ARID4B: variants seen among roughly 807,000 people sequenced by gnomAD.
The protein encoded by ARID4B is AT-rich interaction domain 4B.
In ARID4B, 26 loss-of-function variants were observed where a neutral mutation model predicts 147.5. The observed-to-expected ratio is 0.18, with a 90% CI of 0.13 to 0.24. ARID4B has a LOEUF of 0.24. Ranked by LOEUF, ARID4B falls within the 10% of genes least tolerant of loss-of-function variation. The pLI is 1.00. For synonymous variants in ARID4B, 512 were observed against 507.9 expected (o/e 1.01, Z -0.11); for missense variants, 1,179 against 1,511.5 (o/e 0.78, Z 3.65).
chr1:235,207,050 T>C (rs1486016667), intron 17 of ARID4B, among the ~76,000 whole-genome samples: 16 of 152,200 alleles, frequency 1.1e-4, no homozygotes, highest in Admixed American at 9.2e-4. Context: ...CTTCAGACAG[T>C]AGCATGACTG....
chr1:235,272,145 G>A (rs1671033663), intron 2 of ARID4B, among the ~76,000 whole-genome samples: 1 of 152,098 alleles, frequency 6.6e-6, no homozygotes, highest in African/African-American at 2.4e-5. Flanking sequence ...TAAACACTAA[G>A]TCACAAAATT....
At chr1:235,256,408 G>A (rs981450169) in intron 4 of ARID4B, among the ~76,000 whole-genome samples, 1 of 152,044 alleles carries the variant, frequency 6.6e-6, no homozygotes, top group Non-Finnish European at 1.5e-5. Flanking sequence ...TTCTTTCAAG[G>A]AACCTCAGGA....
intron 17 of ARID4B, among the ~76,000 whole-genome samples, chr1:235,205,087 G>A (rs1666222008): frequency 6.6e-6 from 1 of 152,066 alleles, no homozygotes; most frequent in African/African-American, 2.4e-5. Context: ...CAACTTCCCA[G>A]GGTACCTTGC....
At chr1:235,226,341 G>T (rs888582321) in intron 11 of ARID4B, among the ~76,000 whole-genome samples, 4 of 152,054 alleles carry the variant, frequency 2.6e-5, no homozygotes, top group South Asian at 2.1e-4. Flanking sequence ...TATGTATAAG[G>T]AGCAGTAGTA....
intron 19 of ARID4B, among the ~76,000 whole-genome samples, chr1:235,192,999 A>T (rs961585763): frequency 6.6e-6 from 1 of 152,112 alleles, no homozygotes; most frequent in Non-Finnish European, 1.5e-5. Context: ...AAGCTGAGAC[A>T]GGAGAACAGT....
At chr1:235,291,177 A>C (rs932221437) in intron 2 of ARID4B, among the ~76,000 whole-genome samples, 4 of 152,068 alleles carry the variant, frequency 2.6e-5, no homozygotes, top group African/African-American at 9.7e-5. Flanking sequence ...TGGGCAGATC[A>C]CCAGGTCAGG....
At chr1:235,255,287 C>CTCTCTATA (rs1553304420) in intron 5 of ARID4B, among the ~76,000 whole-genome samples, 1 of 136,504 alleles carries the variant, frequency 7.3e-6, no homozygotes, top group South Asian at 2.4e-4. Context: ...CTCTCTCTCT[C>CTCTCTATA]TATATATATA....
intron 12 of ARID4B, among the ~76,000 whole-genome samples, 182 bp downstream of exon 12, chr1:235,224,521 A>T (rs1667700497): frequency 6.6e-6 from 1 of 152,166 alleles, no homozygotes; most frequent in Admixed American, 6.5e-5. Context: ...AATGCTATCA[A>T]ATTCCTCATT....
At chr1:235,259,102 G>A (rs1455137761) in intron 3 of ARID4B, among the ~76,000 whole-genome samples, 1 of 152,072 alleles carries the variant, frequency 6.6e-6, no homozygotes, top group Non-Finnish European at 1.5e-5. Flanking sequence ...TAGGGCAGCC[G>A]AAAAAATTAA....
intron 2 of ARID4B, among the ~76,000 whole-genome samples, chr1:235,277,113 G>GCACA (rs1352285508): frequency 6.6e-6 from 1 of 152,128 alleles, no homozygotes; most frequent in Non-Finnish European, 1.5e-5. Flanking sequence ...GGGCTCAGTG[G>GCACA]CACACGCCTA....
chr1:235,284,643 C>T (rs1208378009), intron 2 of ARID4B, among the ~76,000 whole-genome samples: 2 of 152,102 alleles, frequency 1.3e-5, no homozygotes, highest in Non-Finnish European at 2.9e-5. Context: ...TGCAACATAA[C>T]AAGATACCAT....
intron 17 of ARID4B, among the ~76,000 whole-genome samples, chr1:235,196,839 GAGA>G (rs1553286855): frequency 1.6e-5 from 2 of 122,706 alleles, no homozygotes; most frequent in Non-Finnish European, 3.2e-5. Context: ...GCGACAGAGC[GAGA>G]CTCTGTTTCA....
intron 2 of ARID4B, among the ~76,000 whole-genome samples, chr1:235,312,887 C>T (rs765162793): frequency 2.6e-5 from 4 of 152,082 alleles, no homozygotes; most frequent in African/African-American, 4.8e-5. Context: ...GCACAAGAAT[C>T]GTTTGAACCT....
At chr1:235,309,549 T>TG (rs1287172124) in intron 2 of ARID4B, among the ~76,000 whole-genome samples, 12 of 136,564 alleles carry the variant, frequency 8.8e-5, no homozygotes, top group South Asian at 2.4e-4. Context: ...GGGAGGGAGG[T>TG]GGGGGGGTCA....
At chr1:235,219,754 C>T (rs1667319056) in intron 16 of ARID4B, 39 bp downstream of exon 16, 2 of 1,492,052 alleles carry the variant, frequency 1.3e-6, no homozygotes, top group Non-Finnish European at 1.8e-6. Context: ...AAGAATCCAT[C>T]AAGCTGAAAT....
chr1:235,189,171 C>G lies in ARID4B; in HGVS notation c.2125+4842G>C, dbSNP rs960036468. Among the ~76,000 whole-genome samples, 14 of 152,096 alleles carry G rather than the reference C, an allele frequency of 9.2e-5. No individual in the cohort carries two copies. The South Asian group carries it at 2.5e-3, about 27-fold the overall frequency. On this transcript the variant is annotated intron_variant, in intron 19 of 23. Coordinates refer to ENST00000264183, the MANE Select transcript of ARID4B (RefSeq NM_016374.6). ...ATCCCAGCACTGTGGGAGGCTGAGG[C>G]AGGTGGATCACAAGGTCAGGAGTTC...
chr1:235,170,171 C>T (rs1663238786), intron 23 of ARID4B, among the ~76,000 whole-genome samples: 1 of 152,104 alleles, frequency 6.6e-6, no homozygotes. Flanking sequence ...AAAACTACCC[C>T]AGGGGCAAAT....
intron 2 of ARID4B, among the ~76,000 whole-genome samples, chr1:235,271,205 A>C (rs535544461): frequency 9.1e-4 from 139 of 152,118 alleles, no homozygotes; most frequent in African/African-American, 3.0e-3. Context: ...ATTTTGAAAA[A>C]TAAGCCAGAA....
chr1:235,313,747 T>C (rs755657385), intron 2 of ARID4B, among the ~76,000 whole-genome samples: 52 of 152,172 alleles, frequency 3.4e-4, no homozygotes, highest in Non-Finnish European at 6.5e-4. Context: ...ATGTATTATA[T>C]TTACTAAGAG....
Sources: allele counts gnomAD v4.1 joint callset (sites outside exome capture counted in the v4.1 genomes callset), GRCh38; gene constraint gnomAD v4.1.1; transcripts MANE v1.5; gene names NCBI Gene and HGNC (gene_info 2026-07-23, HGNC 2026-07-21).